ZMYND11: variants seen among roughly 807,000 people sequenced by gnomAD.
ZMYND11 encodes zinc finger MYND domain-containing protein 11.
Under a neutral mutation model 84.9 loss-of-function variants are expected in ZMYND11, and 9 were observed. The ratio of observed to expected loss-of-function variants is 0.11; its 90% CI spans 0.06 to 0.18. The LOEUF (loss-of-function observed/expected upper bound fraction) is 0.18. ZMYND11 is among the 10% of genes least tolerant of loss of function. The pLI, the probability that ZMYND11 is intolerant of heterozygous loss-of-function variation, is 1.00. For synonymous variants in ZMYND11, 250 were observed against 244.1 expected, an observed-to-expected ratio of 1.02 and a Z score of -0.23; for missense variants, 409 against 761.0, an observed-to-expected ratio of 0.54 and a Z score of 5.44.
intron 2 of ZMYND11, among the ~76,000 whole-genome samples, chr10:183,521 C>T (rs1848316138): frequency 6.6e-6 from 1 of 152,120 alleles, no homozygotes; most frequent in Admixed American, 6.5e-5. Flanking sequence ...AAATGATAAT[C>T]ATCCAATCTA....
intron 2 of ZMYND11, among the ~76,000 whole-genome samples, chr10:199,345 G>C (rs920477969): frequency 7.5e-6 from 1 of 133,644 alleles, no homozygotes; most frequent in African/African-American, 2.8e-5. Context: ...CTCCGTCTCT[G>C]TCTCTTTCTT....
intron 1 of ZMYND11, among the ~76,000 whole-genome samples, chr10:170,431 C>CGTGT (rs147441773): frequency 0.066 from 9,700 of 147,618 alleles, 320 homozygotes; most frequent in South Asian, 0.13. Context: ...ATTATGTGTG[C>CGTGT]GTGTGTGTGT....
intron 3 of ZMYND11, among the ~76,000 whole-genome samples, chr10:212,240 A>G (rs1355447756): frequency 2.0e-5 from 3 of 152,078 alleles, no homozygotes; most frequent in Non-Finnish European, 2.9e-5. Flanking sequence ...TTACCACTAT[A>G]TTAGGTCCTA....
chr10:158,319 C>T (rs147094620), intron 1 of ZMYND11, among the ~76,000 whole-genome samples: 1 of 152,182 alleles, frequency 6.6e-6, no homozygotes, highest in African/African-American at 2.4e-5. Flanking sequence ...AAAGCAGCTG[C>T]ACCATTTTAC....
At chr10:149,989 C>G (rs570168481) in intron 1 of ZMYND11, among the ~76,000 whole-genome samples, 1 of 152,182 alleles carries the variant, frequency 6.6e-6, no homozygotes, top group South Asian at 2.1e-4. Flanking sequence ...ATAAGCTTTT[C>G]GATGTGCTGC....
At position 223,272 on chromosome 10, in the gene ZMYND11, C is replaced by G. The variant is rs539482203; in HGVS notation, c.438+1916C>G. ...CTGGTTGGTCTTGAACTCCTGACCT[C>G]AAGTGATCTGCCCACCTGGGCCTCC... On this transcript the variant is annotated intron_variant, in intron 4 of 14. Coordinates refer to ENST00000381604, the MANE Select transcript of ZMYND11 (RefSeq NM_001370100.5). Among the ~76,000 whole-genome samples, 9 of 152,244 alleles carry G rather than the reference C, an allele frequency of 5.9e-5. No homozygotes were observed. The South Asian group carries it at 1.7e-3, about 28-fold the overall frequency.
chr10:131,722 C>T (rs1835316480), upstream of ZMYND11, among the ~76,000 whole-genome samples: 1 of 151,806 alleles, frequency 6.6e-6, no homozygotes, highest in South Asian at 2.1e-4. Flanking sequence ...GAGATGCGTC[C>T]TCGTTATGTT....
chr10:207,508 C>G (rs1462081661), intron 2 of ZMYND11, among the ~76,000 whole-genome samples: 3 of 152,132 alleles, frequency 2.0e-5, no homozygotes, highest in Admixed American at 2.0e-4. Flanking sequence ...CTGTTGTTTC[C>G]TGACTTTTTA....
At chr10:237,562 T>C in intron 5 of ZMYND11, 23 bp from the exon 6 acceptor site, 1 of 1,473,136 alleles carries the variant, frequency 6.8e-7, no homozygotes. Flanking sequence ...CACATTTAAA[T>C]TGATGTACTA....
intron 1 of ZMYND11, among the ~76,000 whole-genome samples, chr10:174,480 T>C (rs999014695): frequency 2.0e-5 from 3 of 152,266 alleles, no homozygotes; most frequent in Non-Finnish European, 2.9e-5. Context: ...CACATGCTTG[T>C]CATTCATACA....
At chr10:159,257 C>T (rs542453903) in intron 1 of ZMYND11, among the ~76,000 whole-genome samples, 32 of 151,550 alleles carry the variant, frequency 2.1e-4, no homozygotes, top group Admixed American at 1.1e-3. Context: ...GTGATTTTTG[C>T]CAGTGAGATT....
intron 1 of ZMYND11, among the ~76,000 whole-genome samples, chr10:179,698 A>G (rs1268369809): frequency 1.3e-5 from 2 of 152,192 alleles, no homozygotes; most frequent in African/African-American, 4.8e-5. Flanking sequence ...GTGTTTTAGA[A>G]TAAACTTAAA....
At chr10:137,654 T>C (rs1445151884) in intron 1 of ZMYND11, among the ~76,000 whole-genome samples, 1 of 152,140 alleles carries the variant, frequency 6.6e-6, no homozygotes, top group East Asian at 1.9e-4. Flanking sequence ...GGCAGGGTCA[T>C]CTTTGTAGTT....
intron 10 of ZMYND11, among the ~76,000 whole-genome samples, chr10:242,395 C>A (rs1055732909): frequency 1.3e-5 from 2 of 152,088 alleles, no homozygotes; most frequent in African/African-American, 4.8e-5. Context: ...ATTTATAGTA[C>A]AGTGGGCAGA....
chr10:177,920 G>T lies in ZMYND11; in HGVS notation c.-19-2074G>T, dbSNP rs115573785. Among the ~76,000 whole-genome samples the T allele has an allele frequency of 8.1e-3, 1,233 of 152,030 alleles. 15 individuals are homozygous for T. The highest frequency in any genetic ancestry group is 0.028 in the African/African-American group (1,165 of 41,490). On this transcript the variant is annotated intron_variant, in intron 1 of 14. Coordinates refer to ENST00000381604, the MANE Select transcript of ZMYND11 (RefSeq NM_001370100.5). ...CTTACTCCCACTTCCCTTCCTTTGT[G>T]CTTTGGTTGTTATATATTTTATTTC...
chr10:218,489 C>T (rs141275182), intron 3 of ZMYND11: 7 of 392,742 alleles, frequency 1.8e-5, no homozygotes, highest in African/African-American at 1.5e-4. Context: ...AGGACAGCAG[C>T]CCCAAACAAG....
chr10:139,786 A>AC (rs1837071717), intron 1 of ZMYND11, among the ~76,000 whole-genome samples: 2 of 134,780 alleles, frequency 1.5e-5, no homozygotes, highest in South Asian at 2.3e-4. Flanking sequence ...ATCTTGGCTC[A>AC]CTACAACCTC....
At position 242,152 on chromosome 10, in the gene ZMYND11, C is replaced by G; in HGVS notation, c.950+13C>G. Reference sequence around the variant, plus strand: ...ACCACCACCAGAGGTAATTTGTGATCCCATGTTCAGCGGTCACAGCTGTGC... The same window carrying G: ...ACCACCACCAGAGGTAATTTGTGATGCCATGTTCAGCGGTCACAGCTGTGC... On this transcript the variant is annotated intron_variant, in intron 10 of 14. Coordinates refer to ENST00000381604, the MANE Select transcript of ZMYND11 (RefSeq NM_001370100.5). 6.2e-7 allele frequency: 1 copy of G among 1,613,818 alleles called. No homozygotes were observed. Among genetic ancestry groups the G allele is most frequent in the Non-Finnish European group, 8.5e-7 (1 of 1,179,872 alleles).
chr10:174,971 A>T (rs535786795), intron 1 of ZMYND11, among the ~76,000 whole-genome samples: 1 of 151,020 alleles, frequency 6.6e-6, no homozygotes, highest in African/African-American at 2.4e-5. Context: ...CTACAGTGGC[A>T]CATGCTTGTC....
Sources: gnomAD v4.1 joint callset for allele counts (sites outside exome capture counted in the v4.1 genomes callset) on GRCh38, gnomAD v4.1.1 for gene constraint, MANE v1.5 for transcripts, NCBI Gene and HGNC (gene_info 2026-07-23, HGNC 2026-07-21) for gene names.